Variants in DAG1 observed in about 807,000 individuals in gnomAD.
The protein encoded by DAG1 is dystroglycan 1 (dystrophin-associated glycoprotein 1).
DAG1 carries 8 observed loss-of-function variants against 46.1 expected under a neutral mutation model. The observed-to-expected ratio is 0.17, with a 90% CI of 0.10 to 0.31. The LOEUF is 0.31. Among genes scored for constraint, DAG1 ranks in the 10% least tolerant of loss-of-function variants. The pLI is 1.00. For synonymous variants in DAG1, 495 were observed against 481.8 expected (o/e 1.03, Z -0.36); for missense variants, 1,003 against 1,189.9 (o/e 0.84, Z 2.31).
rs1301416972 is a variant in DAG1, at chr3:49,532,921, C to A, written c.2410C>A (p.Leu804Met). ...KGVPIIFADE[L>M]DDSKPPPSSS... The stretch of plus-strand genomic sequence containing the variant: ...GGTGCCTATCATCTTTGCAGACGAA[C>A]TGGACGACTCCAAGCCCCCACCCTC... The change falls in exon 3 of 3, where the codon CTG (leucine) becomes ATG (methionine). Residue 804 changes from leucine to methionine, a missense_variant. Physicochemically the swap from Leu to Met is conservative, Grantham distance 15. Coordinates refer to ENST00000308775, the MANE Select transcript of DAG1 (RefSeq NM_004393.6). This position sits in a 1 kb window ranked among gnomAD's most constrained non-coding sequence, Gnocchi z 5.4. 1 of 1,614,156 alleles carries A rather than the reference C, an allele frequency of 6.2e-7. No homozygotes were observed. The highest frequency in any genetic ancestry group is 1.3e-5 in the African/African-American group (1 of 75,064).
intron 2 of DAG1, among the ~76,000 whole-genome samples, chr3:49,527,300 G>A (rs958240989): frequency 1.3e-5 from 2 of 150,288 alleles, no homozygotes; most frequent in African/African-American, 2.5e-5. Context: ...CAAGGCGGGC[G>A]GATCACGAGC....
chr3:49,497,728 G>A (rs1243391539), intron 1 of DAG1, among the ~76,000 whole-genome samples: 2 of 152,100 alleles, frequency 1.3e-5, no homozygotes, highest in Admixed American at 6.6e-5. Flanking sequence ...AATGTTTAAC[G>A]CAGTGTATGG....
chr3:49,533,744 T>C lies in DAG1; in HGVS notation c.*545T>C. 1 of 254,134 alleles carries C rather than the reference T, an allele frequency of 3.9e-6. No homozygotes were observed. The highest frequency in any genetic ancestry group is 7.8e-6 in the Non-Finnish European group (1 of 128,572). 15.7% of individuals were successfully genotyped at this position (254,134 alleles called of 1,614,324 possible). A position where few individuals can be genotyped will look rare whatever the true frequency, so the allele number is the denominator to read the frequency against. ...TGTATGTATAATTTTTGGGTGGGTA[T>C]GGGGAATTGCTTTGCTAAAAATAAG... On this transcript the variant is annotated 3_prime_UTR_variant, in exon 3 of 3. Coordinates refer to ENST00000308775, the MANE Select transcript of DAG1 (RefSeq NM_004393.6).
At chr3:49,499,997 C>A (rs555846921) in intron 1 of DAG1, among the ~76,000 whole-genome samples, 1 of 144,188 alleles carries the variant, frequency 6.9e-6, no homozygotes, top group South Asian at 2.2e-4. Context: ...TTTTTTGAGA[C>A]AGAATCTTGC....
Position 49,532,962 on chromosome 3 carries a change from C to G in DAG1, c.2451C>G (p.Leu817=), listed in dbSNP as rs886042761. 7 of 1,613,986 alleles carry G rather than the reference C, an allele frequency of 4.3e-6. No homozygotes were observed. The African/African-American group carries it at 8.0e-5, about 18-fold the overall frequency. The change falls in exon 3 of 3, where the codon CTC becomes CTG. Residue 817 remains leucine, a synonymous_variant. Transcript: ENST00000308775. The surrounding 1 kb of genome is among the most constrained non-coding windows in gnomAD (Gnocchi z 5.4). ...CCCCACCCTCCTCCAGCATGCCACT[C>G]ATTCTGCAGGAGGAGAAGGCTCCCC... ...SKPPPSSSMP[L]ILQEEKAPLP...
intron 1 of DAG1, among the ~76,000 whole-genome samples, chr3:49,482,201 G>A (rs2049904290): frequency 6.6e-6 from 1 of 152,116 alleles, no homozygotes; most frequent in African/African-American, 2.4e-5. Flanking sequence ...AGTGCATTGC[G>A]GAAAACCACA....
At chr3:49,524,839 AC>A (rs1559573202) in intron 2 of DAG1, among the ~76,000 whole-genome samples, 1 of 151,830 alleles carries the variant, frequency 6.6e-6, no homozygotes. Flanking sequence ...CACACAAAAT[AC>A]CCGGGCACGT....
intron 1 of DAG1, among the ~76,000 whole-genome samples, chr3:49,498,912 G>A (rs750073703): frequency 2.0e-5 from 3 of 151,978 alleles, no homozygotes; most frequent in African/African-American, 4.8e-5. Flanking sequence ...GTTTTGCCAC[G>A]TTGCCCAGGC....
At chr3:49,515,732 A>C (rs1575393385) in intron 2 of DAG1, among the ~76,000 whole-genome samples, 1 of 152,166 alleles carries the variant, frequency 6.6e-6, no homozygotes, top group East Asian at 1.9e-4. Context: ...TATTGGTCCT[A>C]AGGATGCTTG....
At chr3:49,471,667 A>G (rs566358747) in intron 1 of DAG1, among the ~76,000 whole-genome samples, 18 of 152,192 alleles carry the variant, frequency 1.2e-4, no homozygotes, top group Non-Finnish European at 2.2e-4. Flanking sequence ...TTGTGCTGAC[A>G]TGTGCTTTTG....
At chr3:49,482,326 A>G (rs754147684) in intron 1 of DAG1, among the ~76,000 whole-genome samples, 19 of 152,186 alleles carry the variant, frequency 1.2e-4, no homozygotes, top group Non-Finnish European at 4.4e-5. Flanking sequence ...CGACACCTGT[A>G]AAGGGTCTAT....
intron 2 of DAG1, among the ~76,000 whole-genome samples, chr3:49,512,421 T>C (rs2050785548): frequency 6.6e-6 from 1 of 151,114 alleles, no homozygotes; most frequent in Non-Finnish European, 1.5e-5. Flanking sequence ...AGATGAAGTC[T>C]CTCTCTGTCA....
chr3:49,525,580 C>G (rs1176279188), intron 2 of DAG1, among the ~76,000 whole-genome samples: 4 of 147,432 alleles, frequency 2.7e-5, no homozygotes, highest in East Asian at 2.0e-4. Context: ...TTTTTTGAGA[C>G]GGAATCTCGC....
At chr3:49,471,859 A>G (rs6446279) in intron 1 of DAG1, among the ~76,000 whole-genome samples, 148,616 of 152,266 alleles carry the variant, frequency 0.98, 72,640 homozygotes, top group Middle Eastern at 1. Context: ...AGTGGGGACC[A>G]GGGAACCCAT....
In DAG1 at chr3:49,532,420, T is replaced by G; in HGVS notation, c.1909T>G (p.Phe637Val). ...CTTGGTAAAGAAACTGGCCTTCGCC[T>G]TTGGAGACCGAAACTGTAGCACCAT... Reference protein sequence around the residue: ...IALVKKLAFAFGDRNCSTITL... With the variant: ...IALVKKLAFAVGDRNCSTITL... The change falls in exon 3 of 3, where the codon TTT becomes GTT. Residue 637 changes from phenylalanine to valine, a missense_variant. By Grantham distance (50) the Phe-to-Val change is conservative. Coordinates refer to ENST00000308775, the MANE Select transcript of DAG1 (RefSeq NM_004393.6). The surrounding 1 kb of genome is among the most constrained non-coding windows in gnomAD (Gnocchi z 5.4). 1.9e-6 allele frequency: 3 copies of G among 1,614,212 alleles called. No homozygotes were observed. The highest frequency in any genetic ancestry group is 2.5e-6 in the Non-Finnish European group (3 of 1,180,028).
chr3:49,496,708 C>T (rs1291396657), intron 1 of DAG1, among the ~76,000 whole-genome samples: 2 of 150,448 alleles, frequency 1.3e-5, no homozygotes, highest in African/African-American at 4.9e-5. Flanking sequence ...CTCACTGCAA[C>T]CTCTACCTCC....
intron 2 of DAG1, among the ~76,000 whole-genome samples, chr3:49,523,449 TC>T (rs2051091696): frequency 6.6e-6 from 1 of 151,976 alleles, no homozygotes; most frequent in Non-Finnish European, 1.5e-5. Flanking sequence ...GTCCCCCACT[TC>T]CCCCATGCCC....
intron 1 of DAG1, among the ~76,000 whole-genome samples, chr3:49,473,743 A>G (rs534688733): frequency 8.7e-5 from 13 of 149,518 alleles, no homozygotes; most frequent in Admixed American, 3.3e-4. Flanking sequence ...CCACCACGCC[A>G]GGCTAATTTT....
At chr3:49,507,440 G>A (rs1413631943) in intron 1 of DAG1, among the ~76,000 whole-genome samples, 2 of 152,078 alleles carry the variant, frequency 1.3e-5, no homozygotes, top group African/African-American at 2.4e-5. Context: ...GTGGGAGCCT[G>A]TAATCCCAGC....
Sources: gnomAD v4.1 joint callset for allele counts (sites outside exome capture counted in the v4.1 genomes callset) on GRCh38, gnomAD v4.1.1 for gene constraint, Gnocchi (gnomAD v3.1) non-coding constraint, MANE v1.5 for transcripts, NCBI Gene and HGNC (gene_info 2026-07-23, HGNC 2026-07-21) for gene names.